Variants in IFT43 observed in about 807,000 individuals in gnomAD.
IFT43 encodes intraflagellar transport 43, also known as intraflagellar transport protein 43 homolog.
In IFT43, 33 loss-of-function variants were observed where a neutral mutation model predicts 32.3. That is an observed-to-expected ratio of 1.02 (90% confidence interval 0.77 to 1.37). IFT43 has a LOEUF of 1.37. Ranked by LOEUF, IFT43 falls within the 40% of genes most tolerant of loss-of-function variation. The pLI, the probability that IFT43 is intolerant of heterozygous loss-of-function variation, is 0.00. For synonymous variants in IFT43, 93 were observed against 98.2 expected, an observed-to-expected ratio of 0.95 and a Z score of 0.31; for missense variants, 274 against 265.9, an observed-to-expected ratio of 1.03 and a Z score of -0.21.
At chr14:75,990,474 G>T (rs1050757422) in intron 2 of IFT43, among the ~76,000 whole-genome samples, 2 of 152,192 alleles carry the variant, frequency 1.3e-5, no homozygotes, top group South Asian at 2.1e-4. Flanking sequence ...GAAGGCAGAG[G>T]TTGTGTCTTA....
At chr14:75,989,550 C>T (rs896633284) in intron 2 of IFT43, among the ~76,000 whole-genome samples, 1 of 152,102 alleles carries the variant, frequency 6.6e-6, no homozygotes, top group African/African-American at 2.4e-5. Context: ...TTTTTACCTT[C>T]CTCTGTCCAT....
At chr14:76,059,688 T>C (rs1303575397) in intron 5 of IFT43, 1 of 410,018 alleles carries the variant, frequency 2.4e-6, no homozygotes, top group Non-Finnish European at 4.6e-6. Flanking sequence ...TCTAACCTCC[T>C]TGGCAAACCA....
At chr14:76,001,451 C>T (rs900499124) in intron 2 of IFT43, among the ~76,000 whole-genome samples, 4 of 152,142 alleles carry the variant, frequency 2.6e-5, no homozygotes, top group Admixed American at 6.5e-5. Flanking sequence ...CTTCCAGGGG[C>T]CCATGCAGGC....
At chr14:76,078,161 G>T (rs570097232) in intron 5 of IFT43, among the ~76,000 whole-genome samples, 1 of 152,162 alleles carries the variant, frequency 6.6e-6, no homozygotes, top group African/African-American at 2.4e-5. Flanking sequence ...TGTTATTTGC[G>T]AATTCTTTTC....
chr14:76,059,548 G>A, intron 5 of IFT43, 175 bp downstream of exon 5: 1 of 667,864 alleles, frequency 1.5e-6, no homozygotes, highest in Non-Finnish European at 2.7e-6. Context: ...TCTACCTGGA[G>A]TATCTCTCCC....
In IFT43 at chr14:76,001,220, C is replaced by G. The variant is rs192157604; in HGVS notation, c.147+12243C>G. On this transcript the variant is annotated intron_variant, in intron 2 of 8. Transcript: ENST00000314067. ...GAGTCCTGAAGCTTATGCAATTTGG[C>G]GGCCTTCTTTAAGAAAAACAATTCA... Among the ~76,000 whole-genome samples, 93 of 152,266 alleles carry G rather than the reference C, an allele frequency of 6.1e-4. 2 individuals are homozygous for G. The Middle Eastern group carries it at 0.02, about 33-fold the overall frequency.
chr14:76,075,679 C>T (rs1161539823), intron 5 of IFT43, among the ~76,000 whole-genome samples: 1 of 152,324 alleles, frequency 6.6e-6, no homozygotes, highest in Non-Finnish European at 1.5e-5. Flanking sequence ...CGCAGCAGCT[C>T]ATGAATATGA....
At chr14:75,998,838 A>G (rs914935085) in intron 2 of IFT43, among the ~76,000 whole-genome samples, 8 of 152,270 alleles carry the variant, frequency 5.3e-5, no homozygotes, top group Non-Finnish European at 8.8e-5. Flanking sequence ...GGCTCAAGCA[A>G]TCCTCCCCCT....
intron 2 of IFT43, among the ~76,000 whole-genome samples, chr14:75,999,247 A>T (rs867837316): frequency 1.2e-3 from 70 of 59,506 alleles, no homozygotes; most frequent in Admixed American, 9.0e-3. Flanking sequence ...ATATATATAT[A>T]TATATATATA....
At chr14:76,021,867 A>G (rs2036297754) in intron 2 of IFT43, among the ~76,000 whole-genome samples, 1 of 152,260 alleles carries the variant, frequency 6.6e-6, no homozygotes, top group African/African-American at 2.4e-5. Flanking sequence ...TTTTCATAGT[A>G]AATTACAAAG....
At chr14:76,047,901 G>A (rs557276865) in intron 3 of IFT43, among the ~76,000 whole-genome samples, 9 of 152,236 alleles carry the variant, frequency 5.9e-5, no homozygotes, top group Non-Finnish European at 1.2e-4. Context: ...CAGAATCAAG[G>A]GGAGGCAGGG....
chr14:76,023,956 C>T (rs1166334820), intron 3 of IFT43, among the ~76,000 whole-genome samples: 2 of 152,184 alleles, frequency 1.3e-5, no homozygotes, highest in Non-Finnish European at 2.9e-5. Flanking sequence ...TTCTTAGTTT[C>T]TGTTTCTGGT....
chr14:76,042,153 C>T (rs1485551433), intron 3 of IFT43, among the ~76,000 whole-genome samples: 1 of 151,786 alleles, frequency 6.6e-6, no homozygotes, highest in Non-Finnish European at 1.5e-5. Flanking sequence ...ATTGTGACTT[C>T]TTTTGCTGGC....
chr14:76,082,689 A>C lies in IFT43; in HGVS notation c.441A>C (p.Thr147=). The change falls in exon 7 of 9, where the codon ACA becomes ACC. Residue 147 remains threonine (T), a synonymous_variant. Coordinates refer to ENST00000314067, the MANE Select transcript of IFT43 (RefSeq NM_001102564.3). The part of the protein sequence containing the change: ...NDLMKYSAIQ[T]LDGEIDLKLL... ...TCATGAAGTACTCAGCCATTCAGACACTGGTGAGTGGAACAGCTTCTGCAT... is the reference window on the plus strand; with the variant it reads ...TCATGAAGTACTCAGCCATTCAGACCCTGGTGAGTGGAACAGCTTCTGCAT... The C allele has an allele frequency of 6.2e-7, 1 of 1,600,420 alleles. No homozygotes were observed. Among genetic ancestry groups the C allele is most frequent in the Non-Finnish European group, 8.6e-7 (1 of 1,167,508 alleles).
intron 1 of IFT43, chr14:75,986,271 C>T (rs878867494): frequency 7.8e-7 from 1 of 1,274,234 alleles, no homozygotes; most frequent in African/African-American, 1.5e-5. Context: ...CTGTTTTATG[C>T]ATGGAAGGGA....
intron 5 of IFT43, among the ~76,000 whole-genome samples, chr14:76,076,117 G>A (rs1284643913): frequency 6.6e-6 from 1 of 152,244 alleles, no homozygotes; most frequent in Non-Finnish European, 1.5e-5. Flanking sequence ...GTGCTCTGCA[G>A]TGGCCAGGGC....
chr14:76,047,115 T>A (rs1445108948), intron 3 of IFT43, among the ~76,000 whole-genome samples: 1 of 152,246 alleles, frequency 6.6e-6, no homozygotes, highest in African/African-American at 2.4e-5. Flanking sequence ...CCTTGTCACC[T>A]CCTGAATACT....
intron 2 of IFT43, among the ~76,000 whole-genome samples, chr14:75,994,451 G>A (rs139838111): frequency 6.6e-6 from 1 of 152,312 alleles, no homozygotes; most frequent in African/African-American, 2.4e-5. Context: ...AACTCTTTGT[G>A]TGATTTTACT....
chr14:76,021,177 G>GC (rs1431750397), intron 2 of IFT43, among the ~76,000 whole-genome samples: 1 of 151,906 alleles, frequency 6.6e-6, no homozygotes, highest in Non-Finnish European at 1.5e-5. Flanking sequence ...CCCCTAGATG[G>GC]CATACATGGG....
Sources: gnomAD v4.1 joint callset for allele counts (sites outside exome capture counted in the v4.1 genomes callset) on GRCh38, gnomAD v4.1.1 for gene constraint, MANE v1.5 for transcripts, NCBI Gene and HGNC (gene_info 2026-07-23, HGNC 2026-07-21) for gene names.